ANKFN1: variants seen among roughly 807,000 people sequenced by gnomAD.
The protein encoded by ANKFN1 is ankyrin repeat and fibronectin type-III domain-containing protein 1.
In ANKFN1, 74 loss-of-function variants were observed where a neutral mutation model predicts 108.7. The observed-to-expected ratio is 0.68, with a 90% confidence interval of 0.56 to 0.83. The LOEUF is 0.83. Ranked by LOEUF, ANKFN1 falls within the 40% of genes least tolerant of loss-of-function variation. ANKFN1 has a pLI of 0.00. For synonymous variants in ANKFN1, 547 were observed against 516.2 expected, an observed-to-expected ratio of 1.06 and a Z score of -0.81; for missense variants, 1,505 against 1,382.3, an observed-to-expected ratio of 1.09 and a Z score of -1.41.
intron 1 of ANKFN1, among the ~76,000 whole-genome samples, chr17:56,170,799 T>TACACAC (rs1325475648): frequency 1.4e-4 from 9 of 62,848 alleles, no homozygotes; most frequent in African/African-American, 4.2e-4. Context: ...TATATATATA[T>TACACAC]ATATATATAC....
intron 3 of ANKFN1, among the ~76,000 whole-genome samples, chr17:56,231,666 T>G (rs1281699975): frequency 3.9e-5 from 6 of 152,298 alleles, no homozygotes; most frequent in South Asian, 2.1e-4. Flanking sequence ...GGCCACGTAT[T>G]TCTTCTCTTG....
intron 4 of ANKFN1, among the ~76,000 whole-genome samples, chr17:56,100,691 C>A (rs1380513055): frequency 1.3e-5 from 2 of 152,134 alleles, no homozygotes; most frequent in Non-Finnish European, 2.9e-5. Flanking sequence ...TCTTCAGATA[C>A]CCCTTCCCTT....
At chr17:56,050,727 G>T (rs1400574951) in intron 4 of ANKFN1, among the ~76,000 whole-genome samples, 1 of 151,928 alleles carries the variant, frequency 6.6e-6, no homozygotes, top group Non-Finnish European at 1.5e-5. Context: ...ATTTCTGAGG[G>T]CTCTGTTCTG....
At chr17:56,207,391 T>A (rs1326972743) in intron 1 of ANKFN1, among the ~76,000 whole-genome samples, 1 of 152,222 alleles carries the variant, frequency 6.6e-6, no homozygotes, top group African/African-American at 2.4e-5. Flanking sequence ...GCACCTCCTC[T>A]GCTGGTGTAG....
chr17:56,192,041 T>G (rs934294269), intron 1 of ANKFN1, among the ~76,000 whole-genome samples: 1 of 152,166 alleles, frequency 6.6e-6, no homozygotes, highest in Non-Finnish European at 1.5e-5. Context: ...CACGTAGTTC[T>G]CGAGCCTTGG....
At chr17:56,365,730 TCAC>T (rs2046643568) in intron 6 of ANKFN1, among the ~76,000 whole-genome samples, 1 of 152,298 alleles carries the variant, frequency 6.6e-6, no homozygotes, top group South Asian at 2.1e-4. Context: ...TGTCATAACA[TCAC>T]AGTGCAATGC....
intron 10 of ANKFN1, 124 bp downstream of exon 10, chr17:56,443,057 C>A: frequency 2.5e-6 from 2 of 804,984 alleles, no homozygotes; most frequent in Non-Finnish European, 2.0e-6. Context: ...CTCAGGGCAG[C>A]ATCTGGGCCA....
intron 1 of ANKFN1, among the ~76,000 whole-genome samples, chr17:56,177,840 G>A (rs1911316330): frequency 6.6e-6 from 1 of 151,956 alleles, no homozygotes; most frequent in Non-Finnish European, 1.5e-5. Context: ...GTTTGTTTTT[G>A]TGAGATCCTG....
chr17:56,139,549 T>A (rs548707760), intron 4 of ANKFN1, among the ~76,000 whole-genome samples: 3 of 152,132 alleles, frequency 2.0e-5, no homozygotes, highest in Non-Finnish European at 4.4e-5. Context: ...CCATGTGATT[T>A]TCCCCCCATT....
intron 4 of ANKFN1, among the ~76,000 whole-genome samples, chr17:56,079,550 G>A (rs1306750373): frequency 6.6e-6 from 1 of 152,196 alleles, no homozygotes; most frequent in Non-Finnish European, 1.5e-5. Flanking sequence ...TCAGAAAGAA[G>A]AGGAGAGGAA....
rs113361012 is a variant in ANKFN1 at position 56,505,449 on chromosome 17, G to A, written c.2645-5024G>A. Among the ~76,000 whole-genome samples the A allele has an allele frequency of 3.4e-3, 523 of 152,300 alleles. 5 individuals are homozygous for A. Among genetic ancestry groups the A allele is most frequent in the African/African-American group, 0.012 (494 of 41,570 alleles). On this transcript the variant is annotated intron_variant, in intron 20 of 20. Coordinates refer to ENST00000682825, the MANE Select transcript of ANKFN1 (RefSeq NM_001370326.1). ...GGAGGTCTTCATAGTCCACTCATATGTCCATGTTCAGACTATATGATCTGG... is the reference window on the plus strand; with the variant it reads ...GGAGGTCTTCATAGTCCACTCATATATCCATGTTCAGACTATATGATCTGG...
intron 4 of ANKFN1, among the ~76,000 whole-genome samples, chr17:56,094,474 C>CTT (rs60149030): frequency 1.3e-4 from 10 of 75,966 alleles, no homozygotes; most frequent in East Asian, 3.4e-4. Flanking sequence ...GTTGTTTCTT[C>CTT]TTTTTTTTTT....
intron 8 of ANKFN1, among the ~76,000 whole-genome samples, chr17:56,429,740 G>A (rs2048692582): frequency 6.6e-6 from 1 of 152,158 alleles, no homozygotes; most frequent in South Asian, 2.1e-4. Context: ...AGTGTCATTG[G>A]ATTGGTGGGG....
At chr17:56,419,909 A>T (rs1027630072) in intron 8 of ANKFN1, among the ~76,000 whole-genome samples, 1 of 152,142 alleles carries the variant, frequency 6.6e-6, no homozygotes. Context: ...AACCAGCTTC[A>T]TGGGGCAATG....
Position 56,449,149 on chromosome 17 carries a change from G to A in ANKFN1, c.1170G>A (p.Gln390=). The A allele has an allele frequency of 6.2e-7, 1 of 1,613,566 alleles. No homozygotes were observed. ...GTGAAGTTTTGGAAGGTCTGCTGCA[G>A]CAGGTCCGAGCCCTTCATCAGCATT... ...GQSEVLEGLL[Q]QVRALHQHYS... is the part of the protein sequence containing the mutation. The change falls in exon 11 of 21, where the codon CAG becomes CAA. Residue 390 remains glutamine, a synonymous_variant. Transcript: ENST00000682825.
chr17:56,122,072 A>G lies in ANKFN1; in HGVS notation c.288+75747A>G, dbSNP rs1015643250. Among the ~76,000 whole-genome samples, 3 of 152,198 alleles carry G rather than the reference A, an allele frequency of 2.0e-5. No homozygotes were observed. In the East Asian group the frequency reaches 5.8e-4, roughly 29 times the overall value. ...AGAGCTGGCCAGTTAACAGGTTGAC[A>G]TTCTGAAACTTGGCATAGGAGGAAC... On this transcript the variant is annotated intron_variant, in intron 4 of 12. Transcript: ENST00000635860.
At chr17:56,436,761 C>T (rs983652212) in intron 8 of ANKFN1, among the ~76,000 whole-genome samples, 3 of 147,800 alleles carry the variant, frequency 2.0e-5, no homozygotes, top group South Asian at 2.2e-4. Context: ...ACCCGGGAGG[C>T]GGAGGTTGGA....
rs148160826 is a variant in ANKFN1, at chr17:56,179,443, C to T, written c.-71+25913C>T. On this transcript the variant is annotated intron_variant, in intron 1 of 20. Coordinates refer to ENST00000682825, the MANE Select transcript of ANKFN1 (RefSeq NM_001370326.1). Reference sequence around the variant, plus strand: ...CTGTTTGAAATGCAGTACTCCTGCTCCAGACAACTTGAAGAACGGAACGCA... The same window carrying T: ...CTGTTTGAAATGCAGTACTCCTGCTTCAGACAACTTGAAGAACGGAACGCA... Among the ~76,000 whole-genome samples, 183 of 152,246 alleles carry T rather than the reference C, an allele frequency of 1.2e-3. 2 individuals are homozygous for T. The highest frequency in any genetic ancestry group is 4.2e-3 in the African/African-American group (173 of 41,534).
intron 4 of ANKFN1, among the ~76,000 whole-genome samples, chr17:56,123,175 G>A (rs1906723366): frequency 6.6e-6 from 1 of 152,162 alleles, no homozygotes; most frequent in Admixed American, 6.5e-5. Flanking sequence ...CTAAATATGT[G>A]GTCAGAGACA....
Sources: allele counts gnomAD v4.1 joint callset (sites outside exome capture counted in the v4.1 genomes callset), GRCh38; gene constraint gnomAD v4.1.1; transcripts MANE v1.5; gene names NCBI Gene and HGNC (gene_info 2026-07-23, HGNC 2026-07-21).